ZFP90: variants seen among roughly 807,000 people sequenced by gnomAD.
ZFP90 encodes zinc finger protein 90 homolog.
Under a neutral mutation model 60.8 loss-of-function variants are expected in ZFP90, and 38 were observed. That is an observed-to-expected ratio of 0.62 (90% CI 0.48 to 0.82). The LOEUF is 0.82. Ranked by LOEUF, ZFP90 falls within the 40% of genes least tolerant of loss-of-function variation. The pLI is 0.00. For synonymous variants in ZFP90, 287 were observed against 264.8 expected, an observed-to-expected ratio of 1.08 and a Z score of -0.82; for missense variants, 711 against 759.1, an observed-to-expected ratio of 0.94 and a Z score of 0.74.
downstream of ZFP90, among the ~76,000 whole-genome samples, chr16:68,568,918 A>T (rs953015654): frequency 9.2e-5 from 14 of 152,114 alleles, no homozygotes; most frequent in African/African-American, 3.1e-4. Flanking sequence ...GCCTCAAGTG[A>T]TCCATTTCCT....
upstream of ZFP90, among the ~76,000 whole-genome samples, chr16:68,534,576 A>G (rs1057144409): frequency 1.3e-5 from 2 of 150,886 alleles, no homozygotes; most frequent in Non-Finnish European, 2.9e-5. Flanking sequence ...CTTGTTCTTT[A>G]TTCATATGTC....
chr16:68,546,105 G>A (rs2091145064), intron 2 of ZFP90, among the ~76,000 whole-genome samples: 1 of 152,212 alleles, frequency 6.6e-6, no homozygotes, highest in Non-Finnish European at 1.5e-5. Context: ...AGCCCGGGAG[G>A]TGGAGGTTGC....
intron 2 of ZFP90, among the ~76,000 whole-genome samples, chr16:68,550,348 C>T (rs191623200): frequency 5.0e-4 from 76 of 152,300 alleles, no homozygotes; most frequent in Middle Eastern, 6.8e-3. Flanking sequence ...TAACCTCCGC[C>T]TCCTGGGTTC....
downstream of ZFP90, among the ~76,000 whole-genome samples, chr16:68,568,811 T>C (rs1056777648): frequency 6.6e-6 from 1 of 152,144 alleles, no homozygotes; most frequent in African/African-American, 2.4e-5. Flanking sequence ...CCCAAGTAGC[T>C]GGGACCACAG....
At chr16:68,575,654 A>G (rs1338498538) in intron 2 of ZFP90, 2 of 394,162 alleles carry the variant, frequency 5.1e-6, no homozygotes, top group Admixed American at 4.4e-5. Flanking sequence ...TTAGTGATCA[A>G]TCAGAGGAAA....
chr16:68,568,813 G>A (rs772396296), downstream of ZFP90, among the ~76,000 whole-genome samples: 15 of 152,212 alleles, frequency 9.9e-5, no homozygotes, highest in Non-Finnish European at 1.8e-4. Flanking sequence ...CAAGTAGCTG[G>A]GACCACAGGT....
At chr16:68,562,863 T>C (rs758931636) in intron 4 of ZFP90, 181 bp from the exon 5 acceptor site, 1 of 1,376,472 alleles carries the variant, frequency 7.3e-7, no homozygotes, top group Non-Finnish European at 9.9e-7. Context: ...ACTCTGAATC[T>C]GCAGTCTTTG....
intron 4 of ZFP90, 74 bp from the exon 5 acceptor site, chr16:68,562,970 T>C: frequency 6.3e-7 from 1 of 1,584,566 alleles, no homozygotes; most frequent in Admixed American, 1.8e-5. Flanking sequence ...TTATATGTCT[T>C]TCTTCATTCC....
intron 2 of ZFP90, among the ~76,000 whole-genome samples, chr16:68,542,025 T>G (rs2152055461): frequency 6.6e-6 from 1 of 152,288 alleles, no homozygotes; most frequent in East Asian, 1.9e-4. Context: ...AACAGAACAC[T>G]GGTCCTAAAC....
intron 2 of ZFP90, among the ~76,000 whole-genome samples, chr16:68,551,839 A>C (rs1049460337): frequency 1.3e-5 from 2 of 152,028 alleles, no homozygotes; most frequent in Admixed American, 6.6e-5. Flanking sequence ...GCTCACTGCA[A>C]GCTCCGCCTC....
At position 68,539,391 on chromosome 16, in the gene ZFP90, G is replaced by GCCTTC. The variant is rs1454689332; in HGVS notation, c.-124_-123insCCTTC. On this transcript the variant is annotated 5_prime_UTR_variant, in exon 1 of 5. Transcript: ENST00000563169. Reference sequence around the variant, plus strand: ...GCAGATCAGAATTGGAGATAACCGAGGCTTCGGCGGGGGCGGGAGGAGCTG... The same window carrying GCCTTC: ...GCAGATCAGAATTGGAGATAACCGAGCCTTCGCTTCGGCGGGGGCGGGAGGAGCTG... 3.9e-6 allele frequency: 1 copy of GCCTTC among 259,662 alleles called. No homozygotes were observed. The highest frequency in any genetic ancestry group is 5.5e-5 in the Admixed American group (1 of 18,300). The allele number at this position is 259,662 out of a possible 1,614,324, so 16.1% of individuals were successfully genotyped here.
At chr16:68,552,135 G>A (rs2091273387) in intron 2 of ZFP90, among the ~76,000 whole-genome samples, 1 of 152,152 alleles carries the variant, frequency 6.6e-6, no homozygotes, top group Non-Finnish European at 1.5e-5. Context: ...CTATCTGCAA[G>A]GTGTTACTGG....
At chr16:68,574,559 A>G (rs1158351323) in intron 2 of ZFP90, among the ~76,000 whole-genome samples, 1 of 152,146 alleles carries the variant, frequency 6.6e-6, no homozygotes, top group Non-Finnish European at 1.5e-5. Context: ...ATCAAACTTT[A>G]GGAGAAGCAA....
upstream of ZFP90, among the ~76,000 whole-genome samples, chr16:68,537,479 G>A (rs750628342): frequency 2.0e-5 from 3 of 152,146 alleles, no homozygotes; most frequent in Non-Finnish European, 2.9e-5. Context: ...GAGGCCTCCC[G>A]GTCCACTCTA....
At chr16:68,544,615 A>G (rs755458720) in intron 2 of ZFP90, among the ~76,000 whole-genome samples, 4 of 152,140 alleles carry the variant, frequency 2.6e-5, no homozygotes, top group Non-Finnish European at 4.4e-5. Context: ...CAGACCCAGC[A>G]AAACCTGGCT....
rs4561459 is a variant in ZFP90, at chr16:68,566,657, C to T, written c.*1959C>T. On this transcript the variant is annotated 3_prime_UTR_variant, in exon 5 of 5. Transcript: ENST00000563169. ...TGTTTATGGTGCACCATGATTAGCT[C>T]ACACACAATGCCAAGGCTGTGCTTC... 19 of 985,432 alleles carry T rather than the reference C, an allele frequency of 1.9e-5. No homozygotes were observed. The highest frequency in any genetic ancestry group is 8.4e-6 in the Non-Finnish European group (7 of 829,952). The allele number at this position is 985,432 out of a possible 1,614,324, so 61.0% of individuals were successfully genotyped here. A position where few individuals can be genotyped will look rare whatever the true frequency, so the allele number is the denominator to read the frequency against.
Position 68,566,895 on chromosome 16 carries a change from A to G in ZFP90, c.*2197A>G, listed in dbSNP as rs1030715131. On this transcript the variant is annotated 3_prime_UTR_variant, in exon 5 of 5. Coordinates refer to ENST00000563169, the MANE Select transcript of ZFP90 (RefSeq NM_001305203.2). The stretch of plus-strand genomic sequence containing the variant: ...ACCTTAGTTCCAGAAGACCCAAAGG[A>G]GAGTACTGGTTTGTGTTTGGTGCTT... 4 of 985,448 alleles carry G rather than the reference A, an allele frequency of 4.1e-6. No homozygotes were observed. The African/African-American group carries it at 7.0e-5, about 17-fold the overall frequency. 61.0% of individuals were successfully genotyped at this position (985,448 alleles called of 1,614,324 possible). A position where few individuals can be genotyped will look rare whatever the true frequency, so the allele number is the denominator to read the frequency against.
At chr16:68,549,872 G>A (rs2091228478) in intron 2 of ZFP90, among the ~76,000 whole-genome samples, 1 of 152,034 alleles carries the variant, frequency 6.6e-6, no homozygotes, top group African/African-American at 2.4e-5. Context: ...ACTGAGGGAA[G>A]AAAGTACATT....
chr16:68,566,608 A>G lies in ZFP90; in HGVS notation c.*1910A>G. The stretch of plus-strand genomic sequence containing the variant: ...ATTCAATGGCAGATCTGCCCTTCTG[A>G]GATGCTGACCATCCAAAACACCTTG... On this transcript the variant is annotated 3_prime_UTR_variant, in exon 5 of 5. Transcript: ENST00000563169. The G allele has an allele frequency of 1.0e-6, 1 of 985,570 alleles. No homozygotes were observed. The highest frequency in any genetic ancestry group is 1.2e-6 in the Non-Finnish European group (1 of 829,942). The allele number at this position is 985,570 out of a possible 1,614,324, so 61.1% of individuals were successfully genotyped here. A position where few individuals can be genotyped will look rare whatever the true frequency, so the allele number is the denominator to read the frequency against.
Sources: allele counts gnomAD v4.1 joint callset (sites outside exome capture counted in the v4.1 genomes callset), GRCh38; gene constraint gnomAD v4.1.1; transcripts MANE v1.5; gene names NCBI Gene and HGNC (gene_info 2026-07-23, HGNC 2026-07-21).